The following AGAP2 variants were observed in gnomAD, a reference collection of about 807,000 sequenced individuals.
AGAP2 encodes the protein ArfGAP with GTPase domain, ankyrin repeat and PH domain 2, also known as arf-GAP with GTPase, ANK repeat and PH domain-containing protein 2.
AGAP2 carries 32 observed loss-of-function variants against 110.9 expected under a neutral mutation model. The ratio of observed to expected loss-of-function variants is 0.29; its 90% confidence interval spans 0.22 to 0.39. The LOEUF (loss-of-function observed/expected upper bound fraction) is 0.39, where lower values mean the gene tolerates loss of function less well. Among genes scored for constraint, AGAP2 ranks in the 10% least tolerant of loss-of-function variants. The probability of loss-of-function intolerance (pLI) is 1.00; values close to 1 mark genes in which losing one functional copy is unlikely to be tolerated. For synonymous variants in AGAP2, 702 were observed against 713.0 expected, an observed-to-expected ratio of 0.98 and a Z score of 0.25; for missense variants, 1,285 against 1,638.5, an observed-to-expected ratio of 0.78 and a Z score of 3.72.
At chr12:57,728,228 A>G (rs904242581) in intron 14 of AGAP2, 90 bp downstream of exon 14, 31 of 1,529,696 alleles carry the variant, frequency 2.0e-5, no homozygotes, top group Non-Finnish European at 2.8e-5. Flanking sequence ...GGGGGGCAGC[A>G]GGAAGCCCGA....
chr12:57,738,051 G>A lies in AGAP2; in HGVS notation c.196C>T (p.His66Tyr), dbSNP rs1955024314. Residue 66 changes from histidine to tyrosine, a missense_variant, in exon 1 of 19, where the codon CAC becomes TAC. Transcript: ENST00000547588. The surrounding 1 kb of genome is among the most constrained non-coding windows in gnomAD (Gnocchi z 6.7). ...TCCTGCCGGTGGAAGAGACGTTCGT[G>A]CCGCTTCTTGCCCGGCTCCTCCGCG... ...RGAEEPGKKRHERLFHRQDAL... is the reference protein window; with the variant it reads ...RGAEEPGKKRYERLFHRQDAL... The A allele has an allele frequency of 6.6e-7, 1 of 1,522,418 alleles. No individual in the cohort carries two copies. 94.3% of individuals were successfully genotyped at this position (1,522,418 alleles called of 1,614,324 possible). A position where few individuals can be genotyped will look rare whatever the true frequency, so the allele number is the denominator to read the frequency against.
Position 57,732,434 on chromosome 12 carries a change from T to C in AGAP2, c.1763A>G (p.His588Arg), listed in dbSNP as rs921840162. 8 of 1,604,524 alleles carry C rather than the reference T, an allele frequency of 5.0e-6. No homozygotes were observed. The highest frequency in any genetic ancestry group is 6.8e-6 in the Non-Finnish European group (8 of 1,175,408). Residue 588 changes from histidine (H) to arginine (R), a missense_variant, in exon 7 of 19, where the codon CAC becomes CGC. By Grantham distance (29) the His-to-Arg change is conservative (BLOSUM62 0). Coordinates refer to ENST00000547588, the MANE Select transcript of AGAP2 (RefSeq NM_001122772.3). ...AGCTACCGGAGTGGATGCAGCTGAG[T>C]GGCTTGGGGAGCTGGGCAGGGACTT... ...ACKSLPSSPSHSAASTPVAGQ... is the reference protein window; with the variant it reads ...ACKSLPSSPSRSAASTPVAGQ...
At position 57,735,436 on chromosome 12, in the gene AGAP2, G is replaced by A. The variant is rs1341541914; in HGVS notation, c.1169-9C>T. 9 of 1,613,304 alleles carry A rather than the reference G, an allele frequency of 5.6e-6. No homozygotes were observed. The South Asian group carries it at 7.7e-5, about 14-fold the overall frequency. On this transcript the variant is annotated splice_polypyrimidine_tract_variant and intron_variant, in intron 1 of 18. Coordinates refer to ENST00000547588, the MANE Select transcript of AGAP2 (RefSeq NM_001122772.3). ...GCTATTGATCACAGCCTCTGTAACG[G>A]GAGAAGGGCAGTAAGAGGGGAGGCT...
At chr12:57,723,810 T>G (rs1954724575), downstream of AGAP2, 1 of 152,240 alleles carries the variant, frequency 6.6e-6, no homozygotes, top group Admixed American at 6.5e-5. Flanking sequence ...CTTGACCATT[T>G]TTCACTGGCT....
In AGAP2 at chr12:57,730,543, T is replaced by C. The variant is rs1430483879; in HGVS notation, c.2380A>G (p.Lys794Glu). The stretch of plus-strand genomic sequence containing the variant: ...TTCCGGTCTGGCTTCAGCAGGTGTT[T>C]GGATGTCTGATCTGGTGGTGGCTGC... ...SLQPPPDQTS[K>E]HLLKPDRNLA... Residue 794 changes from lysine (K) to glutamate (E), a missense_variant, in exon 12 of 19, where the codon AAA (lysine) becomes GAA (glutamate). By Grantham distance (56) the Lys-to-Glu change is moderately conservative (BLOSUM62 1). Transcript: ENST00000547588. 1.1e-5 allele frequency: 18 copies of C among 1,614,086 alleles called. No homozygotes were observed. Among genetic ancestry groups the C allele is most frequent in the Non-Finnish European group, 1.0e-5 (12 of 1,180,038 alleles).
upstream of AGAP2, chr12:57,741,910 A>G: frequency 6.2e-7 from 1 of 1,612,198 alleles, no homozygotes; most frequent in Non-Finnish European, 8.5e-7. Flanking sequence ...CCTTTCTCTT[A>G]CCTCGAATGC....
rs762121522 is a variant in AGAP2 at position 57,730,891 on chromosome 12, C to T, written c.2208G>A (p.Pro736=). The T allele has an allele frequency of 1.5e-5, 24 of 1,605,018 alleles. No individual in the cohort carries two copies. Among genetic ancestry groups the T allele is most frequent in the Admixed American group, 3.4e-5 (2 of 58,628 alleles). ...AGATGGCCCTCGGGGGCCGCTTGCC[C>T]GGGACTTTGACTGTTGTTCGCAGCA... ...MDLLRTTVKV[P]GKRPPRAISA... Residue 736 remains proline (P), a synonymous_variant, in exon 11 of 19, where the codon CCG becomes CCA. Coordinates refer to ENST00000547588, the MANE Select transcript of AGAP2 (RefSeq NM_001122772.3).
rs771398498 is a variant in AGAP2 at position 57,738,169 on chromosome 12, C to G, written c.78G>C (p.Ser26=). 8 of 1,523,908 alleles carry G rather than the reference C, an allele frequency of 5.2e-6. No homozygotes were observed. Among genetic ancestry groups the G allele is most frequent in the South Asian group, 4.8e-5 (4 of 83,728 alleles). The allele number at this position is 1,523,908 out of a possible 1,614,324, so 94.4% of individuals were successfully genotyped here. The stretch of plus-strand genomic sequence containing the variant: ...ACGGAGAAGGCGGCGGCGGAGGCAC[C>G]GACTCGAGCTTAACCAGGGTCAGCG... ...LISLTLVKLE[S]VPPPPPSPSA... The change falls in exon 1 of 19, where the codon TCG becomes TCC. Residue 26 remains serine, a synonymous_variant. Transcript: ENST00000547588. This position sits in a 1 kb window ranked among gnomAD's most constrained non-coding sequence, Gnocchi z 6.7.
chr12:57,740,768 C>G (rs761181840), upstream of AGAP2, among the ~76,000 whole-genome samples: 23 of 152,116 alleles, frequency 1.5e-4, no homozygotes, highest in Non-Finnish European at 2.8e-4. Flanking sequence ...GGGTATGGGA[C>G]AGGAGGTGAG....
At position 57,728,393 on chromosome 12, in the gene AGAP2, G is replaced by A. The variant is rs530017742; in HGVS notation, c.2558-16C>T. ...TTGCGCTTGGCTGGTTTCCCGAAGC[G>A]AAGGAGATAGAGATAGAATGGAGAG... On this transcript the variant is annotated splice_polypyrimidine_tract_variant and intron_variant, in intron 13 of 18. Coordinates refer to ENST00000547588, the MANE Select transcript of AGAP2 (RefSeq NM_001122772.3). 9.5e-5 allele frequency: 153 copies of A among 1,613,284 alleles called. No homozygotes were observed. The South Asian group carries it at 1.3e-3, about 14-fold the overall frequency.
chr12:57,731,329 C>G (rs992825609), intron 10 of AGAP2, 37 bp downstream of exon 10: 1 of 1,555,218 alleles, frequency 6.4e-7, no homozygotes, highest in African/African-American at 1.4e-5. Context: ...GAGGGAAATC[C>G]AAAGCTGGCC....
chr12:57,741,821 C>T, upstream of AGAP2: 1 of 1,462,278 alleles, frequency 6.8e-7, no homozygotes, highest in Non-Finnish European at 9.4e-7. Context: ...TAGGAAGTAG[C>T]TGACTGGGAA....
At position 57,733,935 on chromosome 12, in the gene AGAP2, A is replaced by C. The variant is rs1038885494; in HGVS notation, c.1549+91T>G. On this transcript the variant is annotated intron_variant, in intron 5 of 18. Transcript: ENST00000547588. ...CTATAATCCAAGTGGCCATTTCCAC[A>C]CCTTACCAAGTTCTCACCCATGTTG... The C allele has an allele frequency of 6.9e-6, 10 of 1,451,194 alleles. No individual in the cohort carries two copies. The African/African-American group carries it at 1.4e-4, about 21-fold the overall frequency. The allele number at this position is 1,451,194 out of a possible 1,614,324, so 89.9% of individuals were successfully genotyped here.
intron 5 of AGAP2, among the ~76,000 whole-genome samples, chr12:57,733,185 CTGTGTGTGTGTG>C (rs35371569): frequency 8.2e-5 from 12 of 146,570 alleles, no homozygotes; most frequent in Non-Finnish European, 1.5e-4. Context: ...GCTGGGTGAG[CTGTGTGTGTGTG>C]TGTGTGTGTG....
chr12:57,726,395 T>C lies in AGAP2; in HGVS notation c.*157A>G. On this transcript the variant is annotated 3_prime_UTR_variant, in exon 19 of 19. Transcript: ENST00000547588. The surrounding 1 kb of genome is among the most constrained non-coding windows in gnomAD (Gnocchi z 5.7). ...GAGAGGGAGGTGAGTTTGTGTCTTC[T>C]GGAAGGCGTGGGGGCTGTGCCCTCG... 1 of 673,164 alleles carries C rather than the reference T, an allele frequency of 1.5e-6. No homozygotes were observed. Among genetic ancestry groups the C allele is most frequent in the Non-Finnish European group, 2.0e-6 (1 of 506,032 alleles). The allele number at this position is 673,164 out of a possible 1,614,324, so 41.7% of individuals were successfully genotyped here.
In AGAP2 at chr12:57,726,853, G is replaced by A. The variant is rs1954774514; in HGVS notation, c.3337-59C>T. ...CCCCAGGGCGCCCACACCCGGCGCC[G>A]CCTCCCCCACATGGCCAAGCCTACT... On this transcript the variant is annotated intron_variant, in intron 18 of 18. Coordinates refer to ENST00000547588, the MANE Select transcript of AGAP2 (RefSeq NM_001122772.3). The surrounding 1 kb of genome is among the most constrained non-coding windows in gnomAD (Gnocchi z 5.7). 15 of 1,437,522 alleles carry A rather than the reference G, an allele frequency of 1.0e-5. No homozygotes were observed. In the South Asian group the frequency reaches 2.2e-4, roughly 21 times the overall value. The allele number at this position is 1,437,522 out of a possible 1,614,324, so 89.0% of individuals were successfully genotyped here. A position where few individuals can be genotyped will look rare whatever the true frequency, so the allele number is the denominator to read the frequency against.
upstream of AGAP2, among the ~76,000 whole-genome samples, chr12:57,740,771 G>A (rs551103452): frequency 3.9e-5 from 6 of 152,296 alleles, no homozygotes; most frequent in South Asian, 8.3e-4. Flanking sequence ...TATGGGACAG[G>A]AGGTGAGAGG....
chr12:57,741,469 A>G (rs556420228), upstream of AGAP2, among the ~76,000 whole-genome samples: 266 of 151,836 alleles, frequency 1.8e-3, no homozygotes, highest in East Asian at 0.028. Flanking sequence ...GTGTGTGTGT[A>G]TGTGTGTGCA....
chr12:57,727,012 C>T lies in AGAP2; in HGVS notation c.3298G>A (p.Glu1100Lys). ...QLRSPLHLAAELAHVVITQLL... is the reference protein window; with the variant it reads ...QLRSPLHLAAKLAHVVITQLL... ...TGCGTGATGACGACGTGGGCGAGCTCGGCCGCCAGGTGGAGTGGGGAGCGC... is the reference window on the plus strand; with the variant it reads ...TGCGTGATGACGACGTGGGCGAGCTTGGCCGCCAGGTGGAGTGGGGAGCGC... The change falls in exon 18 of 19, where the codon GAG becomes AAG. Residue 1100 changes from glutamate (E) to lysine (K), a missense_variant. Transcript: ENST00000547588. The T allele has an allele frequency of 6.2e-7, 1 of 1,606,638 alleles. No homozygotes were observed. The highest frequency in any genetic ancestry group is 8.5e-7 in the Non-Finnish European group (1 of 1,177,062).
Sources: gnomAD v4.1 joint callset for allele counts (sites outside exome capture counted in the v4.1 genomes callset) on GRCh38, gnomAD v4.1.1 for gene constraint, Gnocchi (gnomAD v3.1) non-coding constraint, MANE v1.5 for transcripts, NCBI Gene and HGNC (gene_info 2026-07-23, HGNC 2026-07-21) for gene names.